Variants in PDLIM5 observed in about 807,000 individuals in gnomAD.
The protein encoded by PDLIM5 is PDZ and LIM domain protein 5.
Under a neutral mutation model 64.2 loss-of-function variants are expected in PDLIM5, and 34 were observed. That is an observed-to-expected ratio of 0.53 (90% confidence interval 0.40 to 0.71). The LOEUF is 0.71. PDLIM5 is among the 30% of genes least tolerant of loss of function. The probability of loss-of-function intolerance (pLI) is 0.00; values close to 1 mark genes in which losing one functional copy is unlikely to be tolerated. For missense variants in PDLIM5, 683 were observed against 733.6 expected (o/e 0.93, Z 0.80); for synonymous variants, 253 against 269.1 (o/e 0.94, Z 0.59).
chr4:94,489,691 C>A (rs1267868207), intron 2 of PDLIM5, among the ~76,000 whole-genome samples: 1 of 151,962 alleles, frequency 6.6e-6, no homozygotes, highest in Non-Finnish European at 1.5e-5. Context: ...TTTGGAAGGC[C>A]AAAGTGGAAG....
intron 3 of PDLIM5, among the ~76,000 whole-genome samples, chr4:94,531,206 T>C (rs562634453): frequency 6.6e-6 from 1 of 152,316 alleles, no homozygotes; most frequent in African/African-American, 2.4e-5. Flanking sequence ...TTTTAATTCT[T>C]AGGTTGGAGG....
intron 2 of PDLIM5, chr4:94,456,285 A>G (rs1399115602): frequency 3.9e-6 from 2 of 511,682 alleles, no homozygotes; most frequent in East Asian, 3.6e-5. Flanking sequence ...CACAACCTCC[A>G]TCTCCCGAGT....
At chr4:94,596,743 T>G (rs1419990902) in intron 7 of PDLIM5, among the ~76,000 whole-genome samples, 1 of 145,202 alleles carries the variant, frequency 6.9e-6, no homozygotes, top group Non-Finnish European at 1.5e-5. Flanking sequence ...GATATGATTT[T>G]ATAAAAGAAA....
chr4:94,624,794 G>T (rs897825590), intron 8 of PDLIM5, among the ~76,000 whole-genome samples: 1 of 152,232 alleles, frequency 6.6e-6, no homozygotes, highest in Non-Finnish European at 1.5e-5. Flanking sequence ...TAGTGGCCCA[G>T]AGAGAAGGTT....
chr4:94,561,281 T>A (rs1733824880), intron 3 of PDLIM5, among the ~76,000 whole-genome samples: 1 of 152,204 alleles, frequency 6.6e-6, no homozygotes, highest in Non-Finnish European at 1.5e-5. Context: ...GGCCAATTGA[T>A]CCTTCCCTTC....
intron 2 of PDLIM5, among the ~76,000 whole-genome samples, chr4:94,494,912 A>G (rs1410693941): frequency 6.6e-6 from 1 of 151,774 alleles, no homozygotes; most frequent in Non-Finnish European, 1.5e-5. Flanking sequence ...CCACGCCCGG[A>G]TAATTTTTTT....
intron 3 of PDLIM5, among the ~76,000 whole-genome samples, chr4:94,540,142 T>A (rs1164412369): frequency 2.0e-5 from 3 of 151,580 alleles, no homozygotes; most frequent in Admixed American, 6.6e-5. Flanking sequence ...CTTTTTTTTT[T>A]TTTTTTGAGA....
intron 3 of PDLIM5, among the ~76,000 whole-genome samples, chr4:94,529,026 C>G (rs11725792): frequency 6.6e-6 from 1 of 152,124 alleles, no homozygotes; most frequent in African/African-American, 2.4e-5. Flanking sequence ...GAAGTAAGGT[C>G]AGAGAGGTAG....
intron 3 of PDLIM5, among the ~76,000 whole-genome samples, chr4:94,549,113 G>T (rs1465010673): frequency 1.3e-5 from 2 of 152,112 alleles, no homozygotes; most frequent in Non-Finnish European, 2.9e-5. Context: ...CATCAGTTTT[G>T]TGTGTATTTG....
intron 2 of PDLIM5, among the ~76,000 whole-genome samples, chr4:94,512,124 G>A (rs1215376755): frequency 1.3e-5 from 2 of 151,842 alleles, no homozygotes; most frequent in South Asian, 2.1e-4. Flanking sequence ...AGGTTCAAGC[G>A]ATTCTCCTGC....
chr4:94,605,418 G>A (rs1431967111), intron 7 of PDLIM5, among the ~76,000 whole-genome samples: 1 of 152,140 alleles, frequency 6.6e-6, no homozygotes, highest in Non-Finnish European at 1.5e-5. Flanking sequence ...AAGCCAAAAG[G>A]GAAAGACTTT....
chr4:94,534,537 T>G (rs1731156453), intron 3 of PDLIM5, among the ~76,000 whole-genome samples: 1 of 152,174 alleles, frequency 6.6e-6, no homozygotes, highest in Non-Finnish European at 1.5e-5. Flanking sequence ...AGAGATAGAA[T>G]ATGCTACAGG....
At chr4:94,641,295 T>G (rs914486315) in intron 9 of PDLIM5, among the ~76,000 whole-genome samples, 1 of 152,228 alleles carries the variant, frequency 6.6e-6, no homozygotes, top group African/African-American at 2.4e-5. Flanking sequence ...AGGTTAAAAC[T>G]TAATTGCATT....
At chr4:94,492,962 C>G (rs1007642504) in intron 2 of PDLIM5, among the ~76,000 whole-genome samples, 9 of 152,144 alleles carry the variant, frequency 5.9e-5, no homozygotes, top group South Asian at 2.1e-4. Flanking sequence ...ATTTTCCAAA[C>G]TGGGTGCACC....
Position 94,575,725 on chromosome 4 carries a change from CTG to C in PDLIM5, c.405_406del (p.Ser136PhefsTer46). ...AATAAGGCACCACGGCCTTTTGGTT[CTG>C]TGTCTTCACCAAAAGTCACATCCAT... is the stretch of plus-strand genomic sequence containing the variant. On this transcript the variant is annotated frameshift_variant, in exon 5 of 13. Transcript: ENST00000317968. LOFTEE classifies it high-confidence loss of function. 1 of 1,614,068 alleles carries C rather than the reference CTG, an allele frequency of 6.2e-7. No individual in the cohort carries two copies. The highest frequency in any genetic ancestry group is 8.5e-7 in the Non-Finnish European group (1 of 1,179,936).
At chr4:94,615,423 G>A (rs1169694440) in intron 7 of PDLIM5, among the ~76,000 whole-genome samples, 2 of 150,440 alleles carry the variant, frequency 1.3e-5, no homozygotes, top group Admixed American at 6.6e-5. Flanking sequence ...TGCATGATGC[G>A]TTATTATATT....
At chr4:94,456,410 C>A (rs1263212214) in intron 2 of PDLIM5, 4 of 683,278 alleles carry the variant, frequency 5.9e-6, no homozygotes, top group Non-Finnish European at 1.1e-5. Context: ...GTTGGTCAGG[C>A]TGGTCTTGAA....
rs754256480 is a variant in PDLIM5 at position 94,523,735 on chromosome 4, C to A, written c.108C>A (p.Gly36=). The change falls in exon 3 of 13, where the codon GGC becomes GGA. Residue 36 remains glycine, a synonymous_variant. Transcript: ENST00000317968. ...TATATTTATTACAGCTAAAAGATGG[C>A]GGCAAGGCAGCCCAGGCAAATGTAA... ...MPLTISSLKD[G]GKAAQANVRI... is the part of the protein sequence containing the mutation. The A allele has an allele frequency of 2.5e-6, 4 of 1,611,244 alleles. No homozygotes were observed. The South Asian group carries it at 3.3e-5, about 13-fold the overall frequency.
At chr4:94,507,738 T>C (rs1404511821) in intron 2 of PDLIM5, among the ~76,000 whole-genome samples, 1 of 152,234 alleles carries the variant, frequency 6.6e-6, no homozygotes, top group African/African-American at 2.4e-5. Flanking sequence ...CTAACAGAAA[T>C]GGCTTTAGCC....
Sources: gnomAD v4.1 joint callset for allele counts (sites outside exome capture counted in the v4.1 genomes callset) on GRCh38, gnomAD v4.1.1 for gene constraint, MANE v1.5 for transcripts, NCBI Gene and HGNC (gene_info 2026-07-23, HGNC 2026-07-21) for gene names.